MAP3K19: variants seen among roughly 807,000 people sequenced by gnomAD.
The protein encoded by MAP3K19 is mitogen-activated protein kinase kinase kinase 19.
In MAP3K19, 91 loss-of-function variants were observed where a neutral mutation model predicts 114.4. The observed-to-expected ratio is 0.80, with a 90% confidence interval of 0.67 to 0.95. The LOEUF (loss-of-function observed/expected upper bound fraction) is 0.95, where lower values mean the gene tolerates loss of function less well. Ranked by LOEUF, MAP3K19 falls within the 40% of genes least tolerant of loss-of-function variation. The probability of loss-of-function intolerance (pLI) is 0.00; values close to 1 mark genes in which losing one functional copy is unlikely to be tolerated. For missense variants in MAP3K19, 1,471 were observed against 1,573.2 expected, an observed-to-expected ratio of 0.94 and a Z score of 1.10; for synonymous variants, 518 against 530.5, an observed-to-expected ratio of 0.98 and a Z score of 0.32.
At chr2:135,004,120 A>T (rs1349629035) in intron 6 of MAP3K19, among the ~76,000 whole-genome samples, 1 of 152,214 alleles carries the variant, frequency 6.6e-6, no homozygotes, top group Non-Finnish European at 1.5e-5. Context: ...TTGCAAATCA[A>T]GTTTAAAAGA....
chr2:134,998,901 G>A lies in MAP3K19; in HGVS notation c.411C>T (p.Thr137=). ...ETVELRKKKL[T]MRPLVLQKEE... ...CTTTTTGCAAAACTAAGGGCCGCAT[G>A]GTCAGCTTCTTTTTCCTGAGCTCCA... The change falls in exon 8 of 13, where the codon ACC becomes ACT. Residue 137 remains threonine (T), a synonymous_variant. Coordinates refer to ENST00000392915, the MANE Select transcript of MAP3K19 (RefSeq NM_025052.5). 6.2e-6 allele frequency: 10 copies of A among 1,614,132 alleles called. No individual in the cohort carries two copies. The highest frequency in any genetic ancestry group is 7.6e-6 in the Non-Finnish European group (9 of 1,180,018).
intron 5 of MAP3K19, among the ~76,000 whole-genome samples, chr2:135,013,474 G>A (rs1450950506): frequency 6.6e-6 from 1 of 152,108 alleles, no homozygotes; most frequent in South Asian, 2.1e-4. Flanking sequence ...CACTCCTGGT[G>A]TTGTACATTC....
intron 12 of MAP3K19, among the ~76,000 whole-genome samples, chr2:134,979,508 A>T (rs1448300540): frequency 6.6e-6 from 1 of 151,796 alleles, no homozygotes; most frequent in Non-Finnish European, 1.5e-5. Flanking sequence ...TGAGAATAAC[A>T]AGTGGTTTCT....
At chr2:134,985,491 G>A (rs1685028004) in intron 10 of MAP3K19, among the ~76,000 whole-genome samples, 1 of 152,174 alleles carries the variant, frequency 6.6e-6, no homozygotes, top group Non-Finnish European at 1.5e-5. Flanking sequence ...ATATGCTGTT[G>A]ATTGAAAATG....
chr2:134,996,538 G>T (rs148507885), intron 8 of MAP3K19, among the ~76,000 whole-genome samples: 18 of 152,224 alleles, frequency 1.2e-4, no homozygotes, highest in African/African-American at 4.1e-4. Context: ...AACAAAGAAA[G>T]GGCAACTCAT....
At position 134,987,230 on chromosome 2, in the gene MAP3K19, T is replaced by C. The variant is rs1418089910; in HGVS notation, c.1642A>G (p.Thr548Ala). The change falls in exon 10 of 13, where the codon ACA becomes GCA. Residue 548 changes from threonine to alanine, a missense_variant. Thr to Ala is a moderately conservative substitution (Grantham distance 58). Transcript: ENST00000392915. ...GTAGAAATCACAAAATTCTGAGGTG[T>C]CTTCTTACTTGTCTTGGTCTTTGAA... ...LDSKTKTSKK[T>A]PQNFVISTEG... 1 of 1,614,148 alleles carries C rather than the reference T, an allele frequency of 6.2e-7. No homozygotes were observed. Among genetic ancestry groups the C allele is most frequent in the Non-Finnish European group, 8.5e-7 (1 of 1,180,012 alleles).
intron 6 of MAP3K19, among the ~76,000 whole-genome samples, chr2:135,001,623 A>G (rs1044617213): frequency 3.3e-5 from 5 of 152,272 alleles, no homozygotes; most frequent in African/African-American, 1.2e-4. Context: ...TGAGAAAAAC[A>G]TACAGCATAC....
intron 2 of MAP3K19, among the ~76,000 whole-genome samples, chr2:135,031,275 C>T (rs1033771821): frequency 1.3e-4 from 19 of 151,870 alleles, no homozygotes; most frequent in South Asian, 6.2e-4. Context: ...GGAGAGTCTG[C>T]GAAGACTTTT....
intron 12 of MAP3K19, among the ~76,000 whole-genome samples, chr2:134,974,669 A>T (rs1468132439): frequency 6.6e-6 from 1 of 152,136 alleles, no homozygotes; most frequent in East Asian, 1.9e-4. Context: ...CCTACATGTC[A>T]TGTAGGCTTT....
chr2:135,039,115 TTTTC>T (rs1176401685), intron 2 of MAP3K19, among the ~76,000 whole-genome samples: 3 of 138,392 alleles, frequency 2.2e-5, no homozygotes, highest in South Asian at 2.5e-4. Flanking sequence ...GTTTCATTAA[TTTTC>T]TTTCTTTTTT....
chr2:135,018,281 CAAAAAA>C (rs781510594), intron 5 of MAP3K19, among the ~76,000 whole-genome samples: 15 of 58,276 alleles, frequency 2.6e-4, no homozygotes, highest in East Asian at 1.4e-3. Flanking sequence ...GCAACAACAG[CAAAAAA>C]AAAAAAAAAA....
At chr2:134,974,155 CCA>C in intron 12 of MAP3K19, among the ~76,000 whole-genome samples, 1 of 152,256 alleles carries the variant, frequency 6.6e-6, no homozygotes, top group Admixed American at 6.5e-5. Context: ...GCATGTACCA[CCA>C]CACCTGGGCA....
chr2:135,018,127 A>T (rs1330038980), intron 5 of MAP3K19, among the ~76,000 whole-genome samples: 5 of 152,014 alleles, frequency 3.3e-5, no homozygotes, highest in Non-Finnish European at 7.4e-5. Flanking sequence ...CCCCGTCTCT[A>T]CTAAAAATAC....
chr2:135,011,528 C>T (rs13417760), intron 5 of MAP3K19, among the ~76,000 whole-genome samples: 28,475 of 136,358 alleles, frequency 0.21, 3,354 homozygotes, highest in Middle Eastern at 0.41. Flanking sequence ...CAGAGCGAGA[C>T]TCTGTCTCAA....
In MAP3K19 at chr2:134,964,673, G is replaced by A. The variant is rs566915521; in HGVS notation, c.*177C>T. 2.2e-6 allele frequency: 1 copy of A among 461,852 alleles called. No homozygotes were observed. Among genetic ancestry groups the A allele is most frequent in the South Asian group, 4.8e-5 (1 of 21,032 alleles). 28.6% of individuals were successfully genotyped at this position (461,852 alleles called of 1,614,324 possible). A position where few individuals can be genotyped will look rare whatever the true frequency, so the allele number is the denominator to read the frequency against. Reference sequence around the variant, plus strand: ...TCTGATACTATGAGTAATAATGTCTGACACTTGAGGAGGCTAATATGTAAC... The same window carrying A: ...TCTGATACTATGAGTAATAATGTCTAACACTTGAGGAGGCTAATATGTAAC... On this transcript the variant is annotated 3_prime_UTR_variant, in exon 13 of 13. Transcript: ENST00000392915.
chr2:135,019,934 A>G (rs13390171), intron 5 of MAP3K19, among the ~76,000 whole-genome samples: 38,462 of 152,080 alleles, frequency 0.25, 6,062 homozygotes, highest in African/African-American at 0.41. Flanking sequence ...TCATAGACAG[A>G]ATGATAACCA....
chr2:134,988,212 A>G lies in MAP3K19; in HGVS notation c.660T>C (p.Gly220=). ...TGTGATTTTGGGGGATAGTAAGGAC[A>G]CCAGATCGCGTGGGCAAGAGTGACA... ...PPLSLLPTRS[G]VLTIPQNHKF... is the part of the protein sequence containing the mutation. The change falls in exon 10 of 13, where the codon GGT becomes GGC. Residue 220 remains glycine, a synonymous_variant. Coordinates refer to ENST00000392915, the MANE Select transcript of MAP3K19 (RefSeq NM_025052.5). The G allele has an allele frequency of 1.2e-6, 2 of 1,601,084 alleles. No individual in the cohort carries two copies. The highest frequency in any genetic ancestry group is 8.5e-7 in the Non-Finnish European group (1 of 1,174,738).
At chr2:134,988,923 G>A (rs1559155850) in intron 9 of MAP3K19, among the ~76,000 whole-genome samples, 1 of 152,004 alleles carries the variant, frequency 6.6e-6, no homozygotes, top group Non-Finnish European at 1.5e-5. Context: ...AAATCCCACT[G>A]AAAACAGTTT....
chr2:134,975,445 G>A (rs571530767), intron 12 of MAP3K19, among the ~76,000 whole-genome samples: 4 of 152,164 alleles, frequency 2.6e-5, no homozygotes, highest in South Asian at 4.1e-4. Flanking sequence ...CTCAGACACC[G>A]GCAGGGCTGC....
Sources: gnomAD v4.1 joint callset for allele counts (sites outside exome capture counted in the v4.1 genomes callset) on GRCh38, gnomAD v4.1.1 for gene constraint, MANE v1.5 for transcripts, NCBI Gene and HGNC (gene_info 2026-07-23, HGNC 2026-07-21) for gene names.